The following INO80D variants were observed in gnomAD, a reference collection of about 807,000 sequenced individuals.
INO80D encodes the protein INO80 complex subunit D.
Under a neutral mutation model 87.6 loss-of-function variants are expected in INO80D, and 21 were observed. The observed-to-expected ratio is 0.24, with a 90% CI of 0.17 to 0.35. INO80D has a LOEUF of 0.35. INO80D is among the 10% of genes least tolerant of loss of function. The pLI, the probability that INO80D is intolerant of heterozygous loss-of-function variation, is 1.00. For missense variants in INO80D, 982 were observed against 1,280.7 expected, an observed-to-expected ratio of 0.77 and a Z score of 3.56; for synonymous variants, 440 against 491.0, an observed-to-expected ratio of 0.90 and a Z score of 1.37.
At chr2:206,031,520 C>T (rs915847354) in intron 5 of INO80D, among the ~76,000 whole-genome samples, 1 of 152,206 alleles carries the variant, frequency 6.6e-6, no homozygotes, top group Non-Finnish European at 1.5e-5. Context: ...CCGCTATCAC[C>T]ACCTCAGTGT....
chr2:206,042,676 GT>G, intron 5 of INO80D, among the ~76,000 whole-genome samples: 1 of 100,504 alleles, frequency 9.9e-6, no homozygotes, highest in East Asian at 3.4e-4. Context: ...GCGAGACTTT[GT>G]CTCAAAAAAA....
intron 4 of INO80D, among the ~76,000 whole-genome samples, chr2:206,047,719 G>A (rs1469032101): frequency 2.6e-5 from 4 of 151,690 alleles, no homozygotes; most frequent in Non-Finnish European, 5.9e-5. Flanking sequence ...ACAACGAAGG[G>A]CCCTATGATA....
intron 4 of INO80D, among the ~76,000 whole-genome samples, chr2:206,052,470 GGT>G (rs1689400134): frequency 6.6e-6 from 1 of 152,148 alleles, no homozygotes; most frequent in Admixed American, 6.6e-5. Flanking sequence ...TGGGATTACA[GGT>G]GTGAGCCACC....
intron 5 of INO80D, among the ~76,000 whole-genome samples, chr2:206,028,823 T>C (rs1054774106): frequency 6.6e-6 from 1 of 152,204 alleles, no homozygotes; most frequent in Non-Finnish European, 1.5e-5. Flanking sequence ...TTTTTCTTGC[T>C]AACCACCTAA....
At chr2:206,036,672 T>C (rs1010203097) in intron 5 of INO80D, among the ~76,000 whole-genome samples, 6 of 152,108 alleles carry the variant, frequency 3.9e-5, no homozygotes, top group Non-Finnish European at 7.4e-5. Flanking sequence ...AGCTTATTCA[T>C]GTAACCAAAT....
At chr2:206,047,052 T>C (rs1010879141) in intron 4 of INO80D, among the ~76,000 whole-genome samples, 5 of 152,168 alleles carry the variant, frequency 3.3e-5, no homozygotes, top group African/African-American at 7.2e-5. Context: ...GTGTTGGGAT[T>C]ACAGGCGTGA....
In INO80D at chr2:206,009,573, TG is replaced by T. The variant is rs763417442; in HGVS notation, c.1760+3del. On this transcript the variant is annotated splice_donor_region_variant and intron_variant, in intron 9 of 10. Coordinates refer to ENST00000403263, the MANE Select transcript of INO80D (RefSeq NM_017759.5). ...AAAAATTAGGTGCCAGTGGCACCACTGACCGGATGTGAGAGGCCTCCACTGG... is the reference window on the plus strand; with the variant it reads ...AAAAATTAGGTGCCAGTGGCACCACTACCGGATGTGAGAGGCCTCCACTGG... 3.1e-6 allele frequency: 5 copies of T among 1,605,000 alleles called. No homozygotes were observed. The South Asian group carries it at 4.5e-5, about 14-fold the overall frequency.
intron 5 of INO80D, 55 bp downstream of exon 5, chr2:206,046,449 C>T (rs1162829287): frequency 1.1e-5 from 13 of 1,190,686 alleles, no homozygotes; most frequent in Non-Finnish European, 1.5e-5. Flanking sequence ...GCCTGGGTGA[C>T]AGAGCGAGAC....
Position 206,007,397 on chromosome 2 carries a change from T to C in INO80D, c.1805A>G (p.Asp602Gly). 1 of 1,613,766 alleles carries C rather than the reference T, an allele frequency of 6.2e-7. No individual in the cohort carries two copies. The highest frequency in any genetic ancestry group is 8.5e-7 in the Non-Finnish European group (1 of 1,179,820). Residue 602 changes from aspartate (D) to glycine (G), a missense_variant, in exon 10 of 11, where the codon GAC becomes GGC. By Grantham distance (94) the Asp-to-Gly change is moderately conservative. Coordinates refer to ENST00000403263, the MANE Select transcript of INO80D (RefSeq NM_017759.5). ...AATGTCAGTGATCTCATTGGCAATG[T>C]CATCCGGCAACTCATCAGCACTCAG... is the stretch of plus-strand genomic sequence containing the variant. ...PELSADELPDDIANEITDIPH... is the reference protein window; with the variant it reads ...PELSADELPDGIANEITDIPH...
intron 1 of INO80D, among the ~76,000 whole-genome samples, chr2:206,070,475 C>T (rs903641230): frequency 3.3e-5 from 5 of 151,870 alleles, no homozygotes; most frequent in African/African-American, 1.2e-4. Context: ...AATCCTAGCA[C>T]TTTGGGAGGC....
chr2:206,034,773 G>A (rs1688853122), intron 5 of INO80D, among the ~76,000 whole-genome samples: 2 of 152,108 alleles, frequency 1.3e-5, no homozygotes, highest in South Asian at 2.1e-4. Flanking sequence ...GAAATAAAGG[G>A]CATCCAAATC....
At chr2:206,071,577 T>C (rs1689974631) in intron 1 of INO80D, among the ~76,000 whole-genome samples, 1 of 148,132 alleles carries the variant, frequency 6.8e-6, no homozygotes, top group Non-Finnish European at 1.5e-5. Context: ...TCTTCATTTT[T>C]ATTTGTTCCA....
At chr2:206,081,066 C>T (rs1299846855) in intron 1 of INO80D, among the ~76,000 whole-genome samples, 1 of 151,980 alleles carries the variant, frequency 6.6e-6, no homozygotes, top group East Asian at 1.9e-4. Flanking sequence ...TCACAGCAAC[C>T]CTATGAAGTA....
rs1319371272 is a variant in INO80D, at chr2:206,005,395, G to A, written c.2057C>T (p.Ser686Leu). The change falls in exon 11 of 11, where the codon TCA (serine) becomes TTA (leucine). Residue 686 changes from serine to leucine, a missense_variant. By Grantham distance (145) the Ser-to-Leu change is moderately radical. Transcript: ENST00000403263. ...GGAGAACACCCCTATTCCTCTATCT[G>A]ACAACTCCTGGACTGGCACACCATC... The part of the protein sequence containing the change: ...QSDGVPVQEL[S>L]DRGIGVFSTG... 2 of 1,613,878 alleles carry A rather than the reference G, an allele frequency of 1.2e-6. No homozygotes were observed. Among genetic ancestry groups the A allele is most frequent in the Non-Finnish European group, 1.7e-6 (2 of 1,179,884 alleles).
At chr2:206,084,950 T>C (rs936540906) in intron 1 of INO80D, among the ~76,000 whole-genome samples, 2 of 151,598 alleles carry the variant, frequency 1.3e-5, no homozygotes, top group East Asian at 3.9e-4. Context: ...CTCCCCAACC[T>C]GGGGGGCTCT....
At chr2:206,016,952 G>A (rs1688335349) in intron 8 of INO80D, among the ~76,000 whole-genome samples, 1 of 152,156 alleles carries the variant, frequency 6.6e-6, no homozygotes. Flanking sequence ...AAACTGCCCA[G>A]TCTCAGGTAT....
At chr2:206,070,280 T>C (rs745528475) in intron 1 of INO80D, among the ~76,000 whole-genome samples, 53 of 151,732 alleles carry the variant, frequency 3.5e-4, no homozygotes, top group Admixed American at 1.2e-3. Flanking sequence ...AAAAATTAGC[T>C]GGGTGTGGTG....
In INO80D at chr2:206,001,588, C is replaced by A. The variant is rs1687908592; in HGVS notation, c.*2780G>T. On this transcript the variant is annotated 3_prime_UTR_variant, in exon 11 of 11. Coordinates refer to ENST00000403263, the MANE Select transcript of INO80D (RefSeq NM_017759.5). ...AAAAGCCACTTCATTCCTTTCTATA[C>A]ATATTAATAGCAAAGTTCCTACTAA... is the stretch of plus-strand genomic sequence containing the variant. The A allele has an allele frequency of 6.6e-6, 1 of 152,116 alleles. No individual in the cohort carries two copies. The highest frequency in any genetic ancestry group is 1.5e-5 in the Non-Finnish European group (1 of 68,030). The allele number at this position is 152,116 out of a possible 1,614,324, so 9.4% of individuals were successfully genotyped here.
intron 10 of INO80D, among the ~76,000 whole-genome samples, chr2:206,006,259 A>T (rs904118042): frequency 6.6e-6 from 1 of 152,224 alleles, no homozygotes; most frequent in Non-Finnish European, 1.5e-5. Flanking sequence ...AAACATTCTA[A>T]AAGTATAAAA....
Sources: gnomAD v4.1 joint callset for allele counts (sites outside exome capture counted in the v4.1 genomes callset) on GRCh38, gnomAD v4.1.1 for gene constraint, MANE v1.5 for transcripts, NCBI Gene and HGNC (gene_info 2026-07-23, HGNC 2026-07-21) for gene names.